SLCO2A1: variants seen among roughly 807,000 people sequenced by gnomAD.
SLCO2A1 encodes the protein solute carrier organic anion transporter family member 2A1, also known as matrin F/G 1.
In SLCO2A1, 60 loss-of-function variants were observed where a neutral mutation model predicts 71.7. The observed-to-expected ratio is 0.84, with a 90% CI of 0.68 to 1.04. The LOEUF (loss-of-function observed/expected upper bound fraction) is 1.04, where lower values mean the gene tolerates loss of function less well. Ranked by LOEUF, SLCO2A1 falls within the 50% of genes least tolerant of loss-of-function variation. The probability of loss-of-function intolerance (pLI) is 0.00; values close to 1 mark genes in which losing one functional copy is unlikely to be tolerated. For missense variants in SLCO2A1, 745 were observed against 813.4 expected, an observed-to-expected ratio of 0.92 and a Z score of 1.02; for synonymous variants, 308 against 326.7, an observed-to-expected ratio of 0.94 and a Z score of 0.62.
chr3:133,989,666 A>G (rs1252908381), intron 1 of SLCO2A1, among the ~76,000 whole-genome samples: 2 of 152,218 alleles, frequency 1.3e-5, no homozygotes, highest in Non-Finnish European at 2.9e-5. Flanking sequence ...GCCCAACTCT[A>G]CACTCAAGTC....
chr3:133,942,585 C>A lies in SLCO2A1; in HGVS notation c.1625+20G>T. 1 of 1,594,602 alleles carries A rather than the reference C, an allele frequency of 6.3e-7. No individual in the cohort carries two copies. The highest frequency in any genetic ancestry group is 8.6e-7 in the Non-Finnish European group (1 of 1,169,114). On this transcript the variant is annotated intron_variant, in intron 11 of 13. Transcript: ENST00000310926. The stretch of plus-strand genomic sequence containing the variant: ...GGAAGGAGAAGCCACGCCCCAGACT[C>A]ACAGAGGTTTGCCACTCACCGCAGA...
rs74704544 is a variant in SLCO2A1, at chr3:133,937,544, C to T, written c.1690+885G>A. Among the ~76,000 whole-genome samples the T allele has an allele frequency of 1.1e-4, 17 of 152,236 alleles. No homozygotes were observed. The South Asian group carries it at 2.3e-3, about 20-fold the overall frequency. On this transcript the variant is annotated intron_variant, in intron 12 of 13. Transcript: ENST00000310926. ...AATGGGGATGGAAGCCACTGCAGGG[C>T]GCGGTGTTGACCTGGCCCCTGGGTA...
chr3:133,942,840 C>G, intron 10 of SLCO2A1, 72 bp from the exon 11 acceptor site: 2 of 1,446,938 alleles, frequency 1.4e-6, no homozygotes, highest in Non-Finnish European at 1.9e-6. Flanking sequence ...CAGACGTCTG[C>G]ACCAGCTCTT....
chr3:134,008,734 C>T (rs1426953181), intron 1 of SLCO2A1, among the ~76,000 whole-genome samples: 1 of 152,210 alleles, frequency 6.6e-6, no homozygotes, highest in Non-Finnish European at 1.5e-5. Context: ...CACTCTGAGC[C>T]AGCCCCTGGG....
chr3:134,023,728 T>C (rs1249053495), intron 1 of SLCO2A1, among the ~76,000 whole-genome samples: 1 of 152,204 alleles, frequency 6.6e-6, no homozygotes, highest in African/African-American at 2.4e-5. Context: ...TGCAAATGCT[T>C]GGTTAAAATG....
chr3:134,020,366 G>T (rs2108078840), intron 1 of SLCO2A1, among the ~76,000 whole-genome samples: 1 of 152,334 alleles, frequency 6.6e-6, no homozygotes, highest in African/African-American at 2.4e-5. Flanking sequence ...GAAGCGAGGT[G>T]ATTGGCGGAT....
chr3:134,000,370 G>A (rs1280224136), intron 1 of SLCO2A1, among the ~76,000 whole-genome samples: 1 of 152,102 alleles, frequency 6.6e-6, no homozygotes. Flanking sequence ...AGGGAGGTAG[G>A]GATGGGGGTG....
intron 1 of SLCO2A1, among the ~76,000 whole-genome samples, chr3:133,987,131 G>GCCCCCCCCCC (rs71136502): frequency 2.9e-5 from 3 of 105,032 alleles, no homozygotes; most frequent in Non-Finnish European, 5.8e-5. Flanking sequence ...AAAATTCAAA[G>GCCCCCCCCCC]CCCCCCCCCC....
chr3:133,942,830 CA>C, intron 10 of SLCO2A1, 62 bp from the exon 11 acceptor site: 1 of 1,499,512 alleles, frequency 6.7e-7, no homozygotes. Context: ...TCACACACTT[CA>C]GACGTCTGCA....
chr3:133,961,234 G>C (rs1467994397), intron 3 of SLCO2A1, among the ~76,000 whole-genome samples: 2 of 152,074 alleles, frequency 1.3e-5, no homozygotes, highest in African/African-American at 4.8e-5. Flanking sequence ...TGAGGGGCAG[G>C]GCTTAGTGGC....
chr3:133,994,084 T>C (rs1934909448), intron 1 of SLCO2A1, among the ~76,000 whole-genome samples: 1 of 152,164 alleles, frequency 6.6e-6, no homozygotes, highest in Admixed American at 6.5e-5. Flanking sequence ...ATGGGGGGCA[T>C]TTATTTTCTT....
intron 1 of SLCO2A1, among the ~76,000 whole-genome samples, chr3:134,023,258 T>C (rs573071681): frequency 6.6e-6 from 1 of 152,122 alleles, no homozygotes; most frequent in East Asian, 1.9e-4. Flanking sequence ...CTAAGAAAAA[T>C]TTAACTCTTT....
At position 133,932,934 on chromosome 3, in the gene SLCO2A1, C is replaced by G. The variant is rs1481046873; in HGVS notation, c.*1779G>C. The stretch of plus-strand genomic sequence containing the variant: ...AACTGGCCCCTGAGGTTACATTGAG[C>G]CTCCCTTCCTGAGTGAGATGTTTGG... On this transcript the variant is annotated 3_prime_UTR_variant, in exon 14 of 14. Coordinates refer to ENST00000310926, the MANE Select transcript of SLCO2A1 (RefSeq NM_005630.3). 2 of 152,612 alleles carry G rather than the reference C, an allele frequency of 1.3e-5. No homozygotes were observed. Among genetic ancestry groups the G allele is most frequent in the African/African-American group, 4.8e-5 (2 of 41,440 alleles). 9.5% of individuals were successfully genotyped at this position (152,612 alleles called of 1,614,324 possible).
chr3:133,961,197 C>T (rs1228300367), intron 3 of SLCO2A1, among the ~76,000 whole-genome samples: 2 of 151,962 alleles, frequency 1.3e-5, no homozygotes, highest in Non-Finnish European at 2.9e-5. Flanking sequence ...GGAGTTGATT[C>T]CATCAAGAAG....
chr3:133,951,581 G>A (rs1004487825), intron 5 of SLCO2A1, among the ~76,000 whole-genome samples: 5 of 152,208 alleles, frequency 3.3e-5, no homozygotes, highest in African/African-American at 1.2e-4. Context: ...GCAGGAGGGA[G>A]CAGTACCTTC....
intron 1 of SLCO2A1, among the ~76,000 whole-genome samples, chr3:133,981,974 C>CAA (rs34863339): frequency 7.7e-4 from 85 of 109,800 alleles, no homozygotes; most frequent in African/African-American, 3.0e-3. Context: ...GACTCCGTCT[C>CAA]AAAAAAAAAA....
intron 1 of SLCO2A1, among the ~76,000 whole-genome samples, chr3:133,993,094 AAGG>A (rs201925588): frequency 0.01 from 1,543 of 152,334 alleles, 26 homozygotes; most frequent in African/African-American, 0.035. Flanking sequence ...TGGGGCCCAC[AAGG>A]AGTTTTGCTC....
In SLCO2A1 at chr3:134,029,871, G is replaced by T; in HGVS notation, c.-69C>A. On this transcript the variant is annotated 5_prime_UTR_variant, in exon 1 of 14. Transcript: ENST00000310926. ...GCGCCTCGGGCTGGAGCGGCCGGGCGGGTGAGAGGCGACCGCGGCGGCAGT... is the reference window on the plus strand; with the variant it reads ...GCGCCTCGGGCTGGAGCGGCCGGGCTGGTGAGAGGCGACCGCGGCGGCAGT... The T allele has an allele frequency of 3.3e-6, 3 of 899,492 alleles. No individual in the cohort carries two copies. The highest frequency in any genetic ancestry group is 4.4e-6 in the Non-Finnish European group (3 of 679,440). The allele number at this position is 899,492 out of a possible 1,614,324, so 55.7% of individuals were successfully genotyped here.
intron 1 of SLCO2A1, among the ~76,000 whole-genome samples, chr3:134,010,475 C>T (rs545832077): frequency 3.3e-5 from 5 of 151,964 alleles, no homozygotes; most frequent in East Asian, 1.9e-4. Context: ...AGATCTCGGC[C>T]GGGCGCGGTG....
Sources: gnomAD v4.1 joint callset for allele counts (sites outside exome capture counted in the v4.1 genomes callset) on GRCh38, gnomAD v4.1.1 for gene constraint, MANE v1.5 for transcripts, NCBI Gene and HGNC (gene_info 2026-07-23, HGNC 2026-07-21) for gene names.